CD4: variants seen among roughly 807,000 people sequenced by gnomAD.
The protein encoded by CD4 is T-cell surface glycoprotein CD4.
CD4 carries 25 observed loss-of-function variants against 50.5 expected under a neutral mutation model. The observed-to-expected ratio is 0.49, with a 90% confidence interval of 0.36 to 0.69. The LOEUF (loss-of-function observed/expected upper bound fraction) is 0.69. Ranked by LOEUF, CD4 falls within the 30% of genes least tolerant of loss-of-function variation. The pLI, the probability that CD4 is intolerant of heterozygous loss-of-function variation, is 0.00. For synonymous variants in CD4, 207 were observed against 221.9 expected (o/e 0.93, Z 0.60); for missense variants, 456 against 548.5 (o/e 0.83, Z 1.68).
chr12:6,807,203 A>T (rs1942791348), intron 3 of CD4, among the ~76,000 whole-genome samples: 1 of 151,956 alleles, frequency 6.6e-6, no homozygotes. Context: ...AACATGCAAC[A>T]ATCCAGCAAT....
intron 3 of CD4, among the ~76,000 whole-genome samples, chr12:6,812,029 G>A (rs1462521936): frequency 6.6e-6 from 1 of 152,024 alleles, no homozygotes; most frequent in South Asian, 2.1e-4. Context: ...GGCTGCCTAG[G>A]TTGGTCCCAG....
rs782235054 is a variant in CD4, at chr12:6,818,088, ACGCGCACACGCG to A, written c.1157-329_1157-318del. 6.7e-6 allele frequency among the ~76,000 whole-genome samples: 1 copy of A among 149,404 alleles called. No individual in the cohort carries two copies. Among genetic ancestry groups the A allele is most frequent in the Non-Finnish European group, 1.5e-5 (1 of 67,526 alleles). ...CACACACATTCACACATGGACTCAC[ACGCGCACACGCG>A]CGCACACACACACATTCACACCATT... is the stretch of plus-strand genomic sequence containing the variant. On this transcript the variant is annotated intron_variant, in intron 7 of 9. Coordinates refer to ENST00000011653, the MANE Select transcript of CD4 (RefSeq NM_000616.5). This position sits in a 1 kb window ranked among gnomAD's most constrained non-coding sequence, Gnocchi z 5.0.
chr12:6,794,311 C>T (rs1483046002), intron 1 of CD4, among the ~76,000 whole-genome samples: 1 of 151,758 alleles, frequency 6.6e-6, no homozygotes, highest in African/African-American at 2.4e-5. Context: ...AAGTGATCCA[C>T]CCACCTTGGT....
At chr12:6,811,688 T>C (rs1305793186) in intron 3 of CD4, among the ~76,000 whole-genome samples, 1 of 150,998 alleles carries the variant, frequency 6.6e-6, no homozygotes, top group Non-Finnish European at 1.5e-5. Context: ...TTTTTGGTAT[T>C]TTTAGTAGAG....
In CD4 at chr12:6,801,686, G is replaced by A. The variant is rs1192684952; in HGVS notation, c.214+1215G>A. 1.5e-4 allele frequency among the ~76,000 whole-genome samples: 23 copies of A among 149,832 alleles called. No homozygotes were observed. In the Admixed American group the frequency reaches 1.5e-3, roughly 10 times the overall value. On this transcript the variant is annotated intron_variant, in intron 3 of 9. Transcript: ENST00000011653. Reference sequence around the variant, plus strand: ...AGTGATTCTCCTGCCTCAGCCTCCCGAGTAGCTGGGACTACAGGCGTATGC... The same window carrying A: ...AGTGATTCTCCTGCCTCAGCCTCCCAAGTAGCTGGGACTACAGGCGTATGC...
At position 6,816,550 on chromosome 12, in the gene CD4, G is replaced by A. The variant is rs1943089064; in HGVS notation, c.955+147G>A. 2 of 707,528 alleles carry A rather than the reference G, an allele frequency of 2.8e-6. No individual in the cohort carries two copies. The highest frequency in any genetic ancestry group is 3.6e-5 in the African/African-American group (2 of 55,510). The allele number at this position is 707,528 out of a possible 1,614,324, so 43.8% of individuals were successfully genotyped here. A position where few individuals can be genotyped will look rare whatever the true frequency, so the allele number is the denominator to read the frequency against. On this transcript the variant is annotated intron_variant, in intron 6 of 9. Coordinates refer to ENST00000011653, the MANE Select transcript of CD4 (RefSeq NM_000616.5). This position sits in a 1 kb window ranked among gnomAD's most constrained non-coding sequence, Gnocchi z 4.9. Reference sequence around the variant, plus strand: ...AGTGAGGGAGGGCCCTCTGGGTTTGGGGCTGGTTTTGAACTGAGACATCCA... The same window carrying A: ...AGTGAGGGAGGGCCCTCTGGGTTTGAGGCTGGTTTTGAACTGAGACATCCA...
chr12:6,816,459 C>T lies in CD4; in HGVS notation c.955+56C>T. On this transcript the variant is annotated intron_variant, in intron 6 of 9. Transcript: ENST00000011653. The surrounding 1 kb of genome is among the most constrained non-coding windows in gnomAD (Gnocchi z 4.9). ...GGGGAAGGAGTTGGAGGGGCCTGGC[C>T]CAGGGCTCCCTCTGAGGCAAGCCAG... 13 of 1,414,384 alleles carry T rather than the reference C, an allele frequency of 9.2e-6. No homozygotes were observed. Among genetic ancestry groups the T allele is most frequent in the Non-Finnish European group, 1.2e-5 (13 of 1,040,134 alleles). The allele number at this position is 1,414,384 out of a possible 1,614,324, so 87.6% of individuals were successfully genotyped here. A position where few individuals can be genotyped will look rare whatever the true frequency, so the allele number is the denominator to read the frequency against.
chr12:6,807,553 GT>G (rs1340035035), intron 3 of CD4, among the ~76,000 whole-genome samples: 1 of 152,052 alleles, frequency 6.6e-6, no homozygotes, highest in Non-Finnish European at 1.5e-5. Flanking sequence ...ATTGCCAGGG[GT>G]TAAGGGGCTC....
At position 6,818,510 on chromosome 12, in the gene CD4, ATCT is replaced by A; in HGVS notation, c.1253_1255del (p.Phe418del). On this transcript the variant is annotated inframe_deletion, in exon 8 of 10. Transcript: ENST00000011653. This position sits in a 1 kb window ranked among gnomAD's most constrained non-coding sequence, Gnocchi z 5.0. ...CCTCCTGCTTTTCATTGGGCTAGGC[ATCT>A]TCTTCTGTGTCAGGTGCCGGCACCG... The A allele has an allele frequency of 1.9e-6, 3 of 1,613,046 alleles. No homozygotes were observed. Among genetic ancestry groups the A allele is most frequent in the East Asian group, 2.2e-5 (1 of 44,878 alleles).
At chr12:6,808,253 G>GA (rs71067137) in intron 3 of CD4, among the ~76,000 whole-genome samples, 150,902 of 150,906 alleles carry the variant, frequency 1, 75,449 homozygotes, top group Non-Finnish European at 1. Flanking sequence ...AGGAGATTGA[G>GA]CCACTCTGGC....
Position 6,818,300 on chromosome 12 carries a change from T to G in CD4, c.1157-121T>G. 1.9e-6 allele frequency: 2 copies of G among 1,054,966 alleles called. No homozygotes were observed. The highest frequency in any genetic ancestry group is 2.7e-6 in the Non-Finnish European group (2 of 734,010). The allele number at this position is 1,054,966 out of a possible 1,614,324, so 65.4% of individuals were successfully genotyped here. On this transcript the variant is annotated intron_variant, in intron 7 of 9. Coordinates refer to ENST00000011653, the MANE Select transcript of CD4 (RefSeq NM_000616.5). The surrounding 1 kb of genome is among the most constrained non-coding windows in gnomAD (Gnocchi z 5.0). ...GCCTTTGAGAGCCCCCAGGCACCCC[T>G]CCCCTCTCCCCCAACCCCAGGGTCA...
At position 6,804,162 on chromosome 12, in the gene CD4, GCACACACA is replaced by G. The variant is rs57392353; in HGVS notation, c.214+3714_214+3721del. On this transcript the variant is annotated intron_variant, in intron 3 of 9. Transcript: ENST00000011653. ...AATAAATAAATAAATAAAATAAAAA[GCACACACA>G]CACACACACACACACACACACAATG... 7.3e-3 allele frequency among the ~76,000 whole-genome samples: 1,095 copies of G among 150,462 alleles called. 13 individuals carry two copies. The highest frequency in any genetic ancestry group is 0.025 in the African/African-American group (1,003 of 40,870).
intron 1 of CD4, among the ~76,000 whole-genome samples, chr12:6,795,051 G>T (rs1390138845): frequency 6.6e-6 from 1 of 151,864 alleles, no homozygotes; most frequent in Non-Finnish European, 1.5e-5. Flanking sequence ...CTCCCAAAGT[G>T]CTGGGAGTAC....
At chr12:6,794,605 C>A (rs1305805597) in intron 1 of CD4, among the ~76,000 whole-genome samples, 1 of 151,526 alleles carries the variant, frequency 6.6e-6, no homozygotes, top group Non-Finnish European at 1.5e-5. Flanking sequence ...CTCCCGACCT[C>A]AGGTGATCCA....
rs1943074324 is a variant in CD4, at chr12:6,816,017, C to T, written c.608-39C>T. 1.1e-5 allele frequency: 17 copies of T among 1,612,726 alleles called. No individual in the cohort carries two copies. Among genetic ancestry groups the T allele is most frequent in the Non-Finnish European group, 1.4e-5 (17 of 1,179,562 alleles). ...ACCCCACTCGTGCACCCTCATCTTCCTATCTCCTCACCCAGGGTCTCTCCC... is the reference window on the plus strand; with the variant it reads ...ACCCCACTCGTGCACCCTCATCTTCTTATCTCCTCACCCAGGGTCTCTCCC... On this transcript the variant is annotated intron_variant, in intron 5 of 9. Coordinates refer to ENST00000011653, the MANE Select transcript of CD4 (RefSeq NM_000616.5). The surrounding 1 kb of genome is among the most constrained non-coding windows in gnomAD (Gnocchi z 4.9).
chr12:6,793,207 G>A (rs1039409017), intron 1 of CD4, among the ~76,000 whole-genome samples: 1 of 152,118 alleles, frequency 6.6e-6, no homozygotes, highest in East Asian at 1.9e-4. Context: ...GGTGAGATGA[G>A]GCAGAACAGG....
intron 1 of CD4, among the ~76,000 whole-genome samples, chr12:6,793,646 TATC>T (rs1335068352): frequency 9.2e-4 from 134 of 145,078 alleles, no homozygotes; most frequent in South Asian, 2.5e-3. Flanking sequence ...TGTATCTATC[TATC>T]ATCTATCTAT....
At chr12:6,795,053 T>C (rs1393600519) in intron 1 of CD4, among the ~76,000 whole-genome samples, 1 of 152,076 alleles carries the variant, frequency 6.6e-6, no homozygotes, top group Non-Finnish European at 1.5e-5. Context: ...CCCAAAGTGC[T>C]GGGAGTACAG....
intron 1 of CD4, among the ~76,000 whole-genome samples, chr12:6,794,204 C>G (rs1278710249): frequency 7.3e-5 from 11 of 150,460 alleles, no homozygotes; most frequent in African/African-American, 2.4e-4. Flanking sequence ...TCCTCAGTAG[C>G]TGGGACTACC....
Sources: allele counts gnomAD v4.1 joint callset (sites outside exome capture counted in the v4.1 genomes callset), GRCh38; gene constraint gnomAD v4.1.1; non-coding constraint Gnocchi (gnomAD v3.1); transcripts MANE v1.5; gene names NCBI Gene and HGNC (gene_info 2026-07-23, HGNC 2026-07-21).